Variants in PTPN3 observed in about 807,000 individuals in gnomAD.
The protein encoded by PTPN3 is tyrosine-protein phosphatase non-receptor type 3.
In PTPN3, 96 loss-of-function variants were observed where a neutral mutation model predicts 132.7. The ratio of observed to expected loss-of-function variants is 0.72; its 90% CI spans 0.61 to 0.86. The LOEUF (loss-of-function observed/expected upper bound fraction) is 0.86. Among genes scored for constraint, PTPN3 ranks in the 40% least tolerant of loss-of-function variants. PTPN3 has a pLI of 0.00. For synonymous variants in PTPN3, 398 were observed against 429.0 expected, an observed-to-expected ratio of 0.93 and a Z score of 0.89; for missense variants, 1,125 against 1,159.6, an observed-to-expected ratio of 0.97 and a Z score of 0.43.
chr9:109,450,099 A>C (rs748730812), intron 5 of PTPN3: 2 of 984,724 alleles, frequency 2.0e-6, no homozygotes, highest in Non-Finnish European at 2.4e-6. Context: ...ACTATGCTAC[A>C]AATTTCTTAT....
At chr9:109,454,718 C>A in intron 4 of PTPN3, 144 bp from the exon 5 acceptor site, 1 of 636,082 alleles carries the variant, frequency 1.6e-6, no homozygotes. Context: ...ACATGGAGTA[C>A]ATAAGTTAGT....
At chr9:109,472,976 T>A (rs1391332624) in intron 1 of PTPN3, among the ~76,000 whole-genome samples, 1 of 152,246 alleles carries the variant, frequency 6.6e-6, no homozygotes, top group Non-Finnish European at 1.5e-5. Flanking sequence ...TAAAGTCTGC[T>A]AATGAATAAC....
chr9:109,405,794 C>A (rs1841513207), intron 18 of PTPN3, among the ~76,000 whole-genome samples: 2 of 152,218 alleles, frequency 1.3e-5, no homozygotes, highest in Non-Finnish European at 2.9e-5. Context: ...CCATGTTGGT[C>A]AAGCTGGTCT....
intron 1 of PTPN3, among the ~76,000 whole-genome samples, chr9:109,470,927 A>G (rs1313605650): frequency 6.6e-6 from 1 of 152,226 alleles, no homozygotes; most frequent in Non-Finnish European, 1.5e-5. Context: ...ATTTTGGTTC[A>G]GTAAGGGCCC....
intron 22 of PTPN3, among the ~76,000 whole-genome samples, chr9:109,384,768 T>C (rs966464002): frequency 8.5e-5 from 13 of 152,242 alleles, no homozygotes; most frequent in African/African-American, 2.7e-4. Flanking sequence ...ATAAGACATA[T>C]GTAATTTGTT....
At chr9:109,393,144 T>C (rs1840269856) in intron 19 of PTPN3, among the ~76,000 whole-genome samples, 1 of 152,208 alleles carries the variant, frequency 6.6e-6, no homozygotes, top group Non-Finnish European at 1.5e-5. Context: ...TGGAGTATTC[T>C]GGGAAATAAC....
At chr9:109,515,352 A>G in the PTPN3 span, among the ~76,000 whole-genome samples, 1 of 152,166 alleles carries the variant, frequency 6.6e-6, no homozygotes, top group Non-Finnish European at 1.5e-5. Context: ...ATCCTCCATG[A>G]GATCTACCTG....
rs1282454161 is a variant in PTPN3 at position 109,378,988 on chromosome 9, CA to C, written c.*567del. The C allele has an allele frequency of 6.6e-6, 1 of 152,376 alleles. No homozygotes were observed. Among genetic ancestry groups the C allele is most frequent in the East Asian group, 1.9e-4 (1 of 5,214 alleles). 9.4% of individuals were successfully genotyped at this position (152,376 alleles called of 1,614,324 possible). A position where few individuals can be genotyped will look rare whatever the true frequency, so the allele number is the denominator to read the frequency against. On this transcript the variant is annotated 3_prime_UTR_variant, in exon 26 of 26. Transcript: ENST00000374541. ...TATTGGAAGTCGCTGGGAGATGGGACAAAGGGAGGGAGGGCAGAGAGGTGTT... is the reference window on the plus strand; with the variant it reads ...TATTGGAAGTCGCTGGGAGATGGGACAAGGGAGGGAGGGCAGAGAGGTGTT...
chr9:109,391,419 G>A, intron 20 of PTPN3, 52 bp downstream of exon 20: 1 of 1,531,976 alleles, frequency 6.5e-7, no homozygotes, highest in Non-Finnish European at 9.0e-7. Flanking sequence ...TTTAAAAAGG[G>A]AAACATTATC....
intron 14 of PTPN3, among the ~76,000 whole-genome samples, chr9:109,417,067 T>A (rs1430669483): frequency 6.6e-6 from 1 of 152,222 alleles, no homozygotes; most frequent in Non-Finnish European, 1.5e-5. Flanking sequence ...AGAAACTTAC[T>A]TCTCTGCAGA....
At chr9:109,508,707 TAATC>T in the PTPN3 span, among the ~76,000 whole-genome samples, 21 of 142,210 alleles carry the variant, frequency 1.5e-4, no homozygotes, top group Admixed American at 5.7e-4. Flanking sequence ...GCTAGCTTAA[TAATC>T]AATCAGTAGA....
intron 25 of PTPN3, among the ~76,000 whole-genome samples, chr9:109,379,879 G>A (rs1838884626): frequency 6.6e-6 from 1 of 152,194 alleles, no homozygotes; most frequent in Non-Finnish European, 1.5e-5. Flanking sequence ...GGGGGAGGTG[G>A]GAAGGAGCAA....
intron 1 of PTPN3, among the ~76,000 whole-genome samples, chr9:109,467,368 C>T (rs369466046): frequency 6.6e-6 from 1 of 151,998 alleles, no homozygotes; most frequent in Admixed American, 6.5e-5. Flanking sequence ...TGCCTGTCCC[C>T]GCACCCCCAG....
At position 109,457,196 on chromosome 9, in the gene PTPN3, T is replaced by G; in HGVS notation, c.266A>C (p.Lys89Thr). 5 of 1,614,038 alleles carry G rather than the reference T, an allele frequency of 3.1e-6. No individual in the cohort carries two copies. Among genetic ancestry groups the G allele is most frequent in the Non-Finnish European group, 4.2e-6 (5 of 1,179,912 alleles). The part of the protein sequence containing the change: ...VDSPRWLEAS[K>T]AIRKQLKGGF... ...ACCTTTTAACTGCTTCCTGATGGCT[T>G]TGCTTGCTTCCAGCCATCTCTGTTG... is the stretch of plus-strand genomic sequence containing the variant. Residue 89 changes from lysine to threonine, a missense_variant, in exon 4 of 26, where the codon AAA (lysine) becomes ACA (threonine). Transcript: ENST00000374541.
the PTPN3 span, among the ~76,000 whole-genome samples, chr9:109,519,037 G>A: frequency 2.0e-5 from 3 of 151,752 alleles, no homozygotes; most frequent in Non-Finnish European, 2.9e-5. Flanking sequence ...CATAGTCTCC[G>A]GTAACATGAC....
the PTPN3 span, among the ~76,000 whole-genome samples, chr9:109,519,492 A>T: frequency 2.0e-5 from 3 of 152,236 alleles, no homozygotes; most frequent in African/African-American, 7.2e-5. Context: ...GAGCATCAGT[A>T]GTAATACCAG....
intron 14 of PTPN3, chr9:109,417,633 T>C: frequency 1.0e-6 from 1 of 985,060 alleles, no homozygotes; most frequent in Non-Finnish European, 1.2e-6. Flanking sequence ...GCCAGCCTCC[T>C]CTGAAGACCC....
At chr9:109,435,661 G>A (rs1171602961) in intron 9 of PTPN3, among the ~76,000 whole-genome samples, 1 of 152,158 alleles carries the variant, frequency 6.6e-6, no homozygotes, top group Non-Finnish European at 1.5e-5. Context: ...ATATCATCTG[G>A]CCTCACAGCC....
Position 109,378,765 on chromosome 9 carries a change from G to A in PTPN3, c.*791C>T, listed in dbSNP as rs930631169. 2 of 152,664 alleles carry A rather than the reference G, an allele frequency of 1.3e-5. No individual in the cohort carries two copies. The highest frequency in any genetic ancestry group is 4.8e-5 in the African/African-American group (2 of 41,440). The allele number at this position is 152,664 out of a possible 1,614,324, so 9.5% of individuals were successfully genotyped here. On this transcript the variant is annotated 3_prime_UTR_variant, in exon 26 of 26. Transcript: ENST00000374541. ...TCAGTAGTCGGTGATTCCAGTCCTG[G>A]GTGCTGAGTGTGCAGTAGGAGGCAA...
Sources: gnomAD v4.1 joint callset for allele counts (sites outside exome capture counted in the v4.1 genomes callset) on GRCh38, gnomAD v4.1.1 for gene constraint, MANE v1.5 for transcripts, NCBI Gene and HGNC (gene_info 2026-07-23, HGNC 2026-07-21) for gene names.